The following NR5A2 variants were observed in gnomAD, a reference collection of about 807,000 sequenced individuals.
NR5A2 encodes nuclear receptor subfamily 5 group A member 2.
NR5A2 carries 26 observed loss-of-function variants against 62.7 expected under a neutral mutation model. The observed-to-expected ratio is 0.41, with a 90% CI of 0.30 to 0.58. NR5A2 has a LOEUF of 0.58. Among genes scored for constraint, NR5A2 ranks in the 20% least tolerant of loss-of-function variants. The probability of loss-of-function intolerance (pLI) is 0.22; values close to 1 mark genes in which losing one functional copy is unlikely to be tolerated. For synonymous variants in NR5A2, 246 were observed against 241.7 expected (o/e 1.02, Z -0.16); for missense variants, 541 against 669.1 (o/e 0.81, Z 2.11).
At chr1:200,139,901 C>T (rs1667374956) in intron 7 of NR5A2, among the ~76,000 whole-genome samples, 1 of 152,170 alleles carries the variant, frequency 6.6e-6, no homozygotes, top group East Asian at 1.9e-4. Flanking sequence ...TACACAACAC[C>T]AGTAGCCCTG....
chr1:200,048,764 T>G lies in NR5A2; in HGVS notation c.1056T>G (p.Thr352=), dbSNP rs1021502854. The G allele has an allele frequency of 1.2e-6, 2 of 1,614,138 alleles. No homozygotes were observed. Among genetic ancestry groups the G allele is most frequent in the Non-Finnish European group, 1.7e-6 (2 of 1,180,020 alleles). ...FGLMCKMADQ[T]LFSIVEWARS... ...TTATGTGCAAAATGGCAGATCAAAC[T>G]CTCTTCTCCATTGTCGAGTGGGCCA... is the stretch of plus-strand genomic sequence containing the variant. Residue 352 remains threonine (T), a synonymous_variant, in exon 5 of 8, where the codon ACT becomes ACG. Coordinates refer to ENST00000367362, the MANE Select transcript of NR5A2 (RefSeq NM_205860.3). This position sits in a 1 kb window ranked among gnomAD's most constrained non-coding sequence, Gnocchi z 4.8.
In NR5A2 at chr1:200,048,385, A is replaced by C; in HGVS notation, c.677A>C (p.Asn226Thr). ...TCTGCCTCCAAAGGCCTACCTCTGA[A>C]CCATGCTGCCTTGCCTCCTACAGAC... ...IHSASKGLPL[N>T]HAALPPTDYD... Residue 226 changes from asparagine to threonine, a missense_variant, in exon 5 of 8, where the codon AAC (asparagine) becomes ACC (threonine). Asn to Thr is a moderately conservative substitution (Grantham distance 65). Coordinates refer to ENST00000367362, the MANE Select transcript of NR5A2 (RefSeq NM_205860.3). This position sits in a 1 kb window ranked among gnomAD's most constrained non-coding sequence, Gnocchi z 4.8. 2 of 1,614,154 alleles carry C rather than the reference A, an allele frequency of 1.2e-6. No individual in the cohort carries two copies. The highest frequency in any genetic ancestry group is 1.7e-6 in the Non-Finnish European group (2 of 1,180,008).
intron 6 of NR5A2, among the ~76,000 whole-genome samples, chr1:200,114,225 TATATATATACAC>T (rs1175830798): frequency 2.3e-5 from 1 of 43,968 alleles, no homozygotes; most frequent in African/African-American, 6.5e-5. Context: ...AAGATATATA[TATATATATACAC>T]ACACACACAT....
chr1:200,069,261 C>CTTTTTTTTTTTTTT (rs71132652), intron 5 of NR5A2, among the ~76,000 whole-genome samples: 1 of 149,050 alleles, frequency 6.7e-6, no homozygotes. Flanking sequence ...AATTCATATT[C>CTTTTTTTTTTTTTT]TTTTTTTTTT....
intron 5 of NR5A2, among the ~76,000 whole-genome samples, chr1:200,103,122 C>CTTTTTTTT (rs10655211): frequency 1.4e-4 from 15 of 106,626 alleles, no homozygotes; most frequent in Non-Finnish European, 1.6e-4. Flanking sequence ...ATGTAAAACT[C>CTTTTTTTT]TTTTTTTTTT....
chr1:200,119,112 T>A (rs2737679), intron 6 of NR5A2, among the ~76,000 whole-genome samples: 135,320 of 152,208 alleles, frequency 0.89, 60,177 homozygotes, highest in East Asian at 0.97. Flanking sequence ...TCATCTTTCC[T>A]CTGACTCATA....
intron 7 of NR5A2, among the ~76,000 whole-genome samples, chr1:200,133,878 T>C (rs1402028972): frequency 6.6e-6 from 1 of 152,132 alleles, no homozygotes; most frequent in East Asian, 1.9e-4. Flanking sequence ...TTATTGCCCC[T>C]GAAGACCTTC....
At chr1:200,034,149 G>A (rs1177647938) in intron 1 of NR5A2, among the ~76,000 whole-genome samples, 3 of 152,138 alleles carry the variant, frequency 2.0e-5, no homozygotes, top group Non-Finnish European at 4.4e-5. Flanking sequence ...CGGAGGAGAG[G>A]GTGTAAAGGA....
chr1:200,051,037 T>C (rs1030177626), intron 5 of NR5A2, among the ~76,000 whole-genome samples: 19 of 152,340 alleles, frequency 1.2e-4, no homozygotes, highest in Non-Finnish European at 2.4e-4. Flanking sequence ...ACATGTGTTA[T>C]AGAGTAGTAT....
chr1:200,128,121 C>T (rs1007013269), intron 7 of NR5A2, among the ~76,000 whole-genome samples: 2 of 152,100 alleles, frequency 1.3e-5, no homozygotes, highest in African/African-American at 4.8e-5. Context: ...TCAGTTCCAG[C>T]ACCCCTGTTT....
chr1:200,128,748 T>C (rs1006138478), intron 7 of NR5A2, among the ~76,000 whole-genome samples: 4 of 152,100 alleles, frequency 2.6e-5, no homozygotes, highest in African/African-American at 9.7e-5. Context: ...GTTTGTACAT[T>C]CTGTTTTCAA....
At position 200,064,168 on chromosome 1, in the gene NR5A2, G is replaced by A. The variant is rs79877920; in HGVS notation, c.1110+15350G>A. 0.016 allele frequency among the ~76,000 whole-genome samples: 2,407 copies of A among 151,420 alleles called. 124 individuals carry two copies. The East Asian group carries it at 0.19, about 12-fold the overall frequency. On this transcript the variant is annotated intron_variant, in intron 5 of 7. Coordinates refer to ENST00000367362, the MANE Select transcript of NR5A2 (RefSeq NM_205860.3). ...CATCTCAAAAAAAAAAAAAAAGGAC[G>A]AGAGCCGTCTTCACTTTACAAGTTA...
intron 6 of NR5A2, among the ~76,000 whole-genome samples, chr1:200,112,228 G>A (rs748906910): frequency 6.6e-6 from 1 of 152,190 alleles, no homozygotes; most frequent in Non-Finnish European, 1.5e-5. Flanking sequence ...AGTCTTAAAG[G>A]AGGAGAGACA....
At chr1:200,083,991 T>TAATAAC (rs1664413620) in intron 5 of NR5A2, among the ~76,000 whole-genome samples, 1 of 148,704 alleles carries the variant, frequency 6.7e-6, no homozygotes, top group Non-Finnish European at 1.5e-5. Context: ...ATAATAATAA[T>TAATAAC]AATAATAATA....
chr1:200,095,746 G>A (rs927751306), intron 5 of NR5A2, among the ~76,000 whole-genome samples: 17 of 151,874 alleles, frequency 1.1e-4, no homozygotes, highest in Non-Finnish European at 2.2e-4. Flanking sequence ...TAGAGACAGG[G>A]TTTTACCACG....
intron 5 of NR5A2, among the ~76,000 whole-genome samples, chr1:200,110,753 G>T (rs1414118838): frequency 6.6e-6 from 1 of 152,086 alleles, no homozygotes; most frequent in African/African-American, 2.4e-5. Flanking sequence ...AATTCTTTTG[G>T]CTTGGCAGTT....
intron 7 of NR5A2, among the ~76,000 whole-genome samples, chr1:200,132,332 T>C (rs1364115611): frequency 6.6e-6 from 1 of 152,038 alleles, no homozygotes; most frequent in Non-Finnish European, 1.5e-5. Flanking sequence ...ATATAGTCTT[T>C]CCAAAGAGAA....
At chr1:200,042,270 G>T (rs2102151516) in intron 2 of NR5A2, among the ~76,000 whole-genome samples, 1 of 152,262 alleles carries the variant, frequency 6.6e-6, no homozygotes, top group East Asian at 1.9e-4. Flanking sequence ...GGGCTCTGTG[G>T]CCCGGGAAGA....
chr1:200,154,614 G>A (rs1347918112), intron 7 of NR5A2, among the ~76,000 whole-genome samples: 2 of 152,234 alleles, frequency 1.3e-5, no homozygotes, highest in East Asian at 1.9e-4. Flanking sequence ...AGCTACTGCA[G>A]AGGCTGAGGC....
Sources: allele counts gnomAD v4.1 joint callset (sites outside exome capture counted in the v4.1 genomes callset), GRCh38; gene constraint gnomAD v4.1.1; non-coding constraint Gnocchi (gnomAD v3.1); transcripts MANE v1.5; gene names NCBI Gene and HGNC (gene_info 2026-07-23, HGNC 2026-07-21).